MAP2K6: variants seen among roughly 807,000 people sequenced by gnomAD.
The protein encoded by MAP2K6 is mitogen-activated protein kinase kinase 6.
Under a neutral mutation model 53.7 loss-of-function variants are expected in MAP2K6, and 16 were observed. The ratio of observed to expected loss-of-function variants is 0.30; its 90% confidence interval spans 0.20 to 0.45. The LOEUF (loss-of-function observed/expected upper bound fraction) is 0.45, where lower values mean the gene tolerates loss of function less well. Among genes scored for constraint, MAP2K6 ranks in the 20% least tolerant of loss-of-function variants. MAP2K6 has a pLI of 1.00. For missense variants in MAP2K6, 204 were observed against 411.9 expected, an observed-to-expected ratio of 0.50 and a Z score of 4.37; for synonymous variants, 132 against 143.1, an observed-to-expected ratio of 0.92 and a Z score of 0.55.
intron 1 of MAP2K6, among the ~76,000 whole-genome samples, chr17:69,430,188 T>C (rs1470343268): frequency 6.6e-6 from 1 of 151,762 alleles, no homozygotes; most frequent in African/African-American, 2.4e-5. Context: ...AAAAGTAAAT[T>C]AGCCAGGCGT....
intron 1 of MAP2K6, among the ~76,000 whole-genome samples, chr17:69,428,651 A>C (rs1193429897): frequency 1.3e-5 from 2 of 152,174 alleles, no homozygotes; most frequent in African/African-American, 4.8e-5. Context: ...AATGCACGTA[A>C]GTTCTGGTAT....
At position 69,541,817 on chromosome 17, in the gene MAP2K6, C is replaced by A; in HGVS notation, c.*64C>A. On this transcript the variant is annotated 3_prime_UTR_variant, in exon 12 of 12. Coordinates refer to ENST00000590474, the MANE Select transcript of MAP2K6 (RefSeq NM_002758.4). The stretch of plus-strand genomic sequence containing the variant: ...GGTGGGTTTCGGGGTGAAGCAAGTT[C>A]ACTACAGCATCAATAGAAAGTCATC... The A allele has an allele frequency of 1.7e-6, 2 of 1,168,072 alleles. No individual in the cohort carries two copies. Among genetic ancestry groups the A allele is most frequent in the Non-Finnish European group, 2.6e-6 (2 of 783,572 alleles). 72.4% of individuals were successfully genotyped at this position (1,168,072 alleles called of 1,614,324 possible).
intron 1 of MAP2K6, among the ~76,000 whole-genome samples, chr17:69,496,130 G>A (rs1291683643): frequency 6.6e-6 from 1 of 151,372 alleles, no homozygotes; most frequent in Non-Finnish European, 1.5e-5. Context: ...AAACCCATTT[G>A]AGCACTTTTA....
At position 69,495,932 on chromosome 17, in the gene MAP2K6, A is replaced by G. The variant is rs560974808; in HGVS notation, c.17-9848A>G. Among the ~76,000 whole-genome samples, 149 of 152,234 alleles carry G rather than the reference A, an allele frequency of 9.8e-4. 3 individuals are homozygous for G. The Middle Eastern group carries it at 0.014, about 14-fold the overall frequency. The stretch of plus-strand genomic sequence containing the variant: ...TAAATGAGGAAGGAGATGAACCGAG[A>G]CAGTAGGAGTTCCCTACTGCCTGCC... On this transcript the variant is annotated intron_variant, in intron 1 of 11. Coordinates refer to ENST00000590474, the MANE Select transcript of MAP2K6 (RefSeq NM_002758.4).
At chr17:69,479,327 A>G (rs1908268696) in intron 1 of MAP2K6, among the ~76,000 whole-genome samples, 1 of 152,178 alleles carries the variant, frequency 6.6e-6, no homozygotes, top group African/African-American at 2.4e-5. Context: ...GAGCACCAAC[A>G]TCATGCCACA....
At chr17:69,531,021 A>G (rs1040044191) in intron 10 of MAP2K6, among the ~76,000 whole-genome samples, 2 of 151,810 alleles carry the variant, frequency 1.3e-5, no homozygotes, top group African/African-American at 2.4e-5. Context: ...TCATGAATAA[A>G]GCTGTGTTAT....
chr17:69,424,728 G>A (rs1366439190), intron 1 of MAP2K6, among the ~76,000 whole-genome samples: 1 of 152,152 alleles, frequency 6.6e-6, no homozygotes, highest in African/African-American at 2.4e-5. Flanking sequence ...GGCCAAGTAT[G>A]GTAATTAAGA....
intron 1 of MAP2K6, among the ~76,000 whole-genome samples, chr17:69,465,767 G>T (rs982120542): frequency 6.6e-6 from 1 of 151,530 alleles, no homozygotes; most frequent in Non-Finnish European, 1.5e-5. Flanking sequence ...TTATAGACGT[G>T]TGCCACCATG....
chr17:69,500,420 C>T (rs1344748301), intron 1 of MAP2K6, among the ~76,000 whole-genome samples: 3 of 130,834 alleles, frequency 2.3e-5, no homozygotes, highest in African/African-American at 5.9e-5. Context: ...TGCACTCCAG[C>T]CTGGGTGACA....
At position 69,526,641 on chromosome 17, in the gene MAP2K6, A is replaced by G. The variant is rs764719423; in HGVS notation, c.813A>G (p.Val271=). 6.2e-7 allele frequency: 1 copy of G among 1,614,114 alleles called. No individual in the cohort carries two copies. The highest frequency in any genetic ancestry group is 1.7e-5 in the Admixed American group (1 of 60,022). ...GTPFQQLKQV[V]EEPSPQLPAD... Reference sequence around the variant, plus strand: ...CATTTCAGCAGCTCAAACAGGTGGTAGAGGAGCCATCGCCACAACTCCCAG... The same window carrying G: ...CATTTCAGCAGCTCAAACAGGTGGTGGAGGAGCCATCGCCACAACTCCCAG... The change falls in exon 10 of 12, where the codon GTA becomes GTG. Residue 271 remains valine (V), a synonymous_variant. Transcript: ENST00000590474.
Position 69,519,339 on chromosome 17 carries a change from G to A in MAP2K6, c.273G>A (p.Gln91=). The A allele has an allele frequency of 6.2e-7, 1 of 1,613,912 alleles. No individual in the cohort carries two copies. The highest frequency in any genetic ancestry group is 8.5e-7 in the Non-Finnish European group (1 of 1,179,900). ...GGATCCGAGCCACAGTAAATAGCCA[G>A]GAACAGAAACGGCTACTGATGGATT... ...VKRIRATVNS[Q]EQKRLLMDLD... is the part of the protein sequence containing the mutation. Residue 91 remains glutamine (Q), a synonymous_variant, in exon 5 of 12, where the codon CAG becomes CAA. Coordinates refer to ENST00000590474, the MANE Select transcript of MAP2K6 (RefSeq NM_002758.4).
At chr17:69,457,322 C>T (rs1448127505) in intron 1 of MAP2K6, among the ~76,000 whole-genome samples, 1 of 152,222 alleles carries the variant, frequency 6.6e-6, no homozygotes, top group South Asian at 2.1e-4. Flanking sequence ...CCTGTGGACA[C>T]GTTTATCCCC....
rs1027333588 is a variant in MAP2K6, at chr17:69,549,072, T to C, written c.*7319T>C. On this transcript the variant is annotated 3_prime_UTR_variant, in exon 12 of 12. Transcript: ENST00000590474. ...TACTCAGCCTAATTCCTTGGGACTT[T>C]CAGTATCTTGACATCACTTGTATTA... The C allele has an allele frequency of 4.6e-5, 7 of 152,228 alleles. No individual in the cohort carries two copies. The highest frequency in any genetic ancestry group is 6.5e-5 in the Admixed American group (1 of 15,284). The allele number at this position is 152,228 out of a possible 1,614,324, so 9.4% of individuals were successfully genotyped here.
intron 1 of MAP2K6, among the ~76,000 whole-genome samples, chr17:69,495,704 C>T (rs750126571): frequency 5.9e-5 from 9 of 151,528 alleles, no homozygotes; most frequent in Non-Finnish European, 8.8e-5. Context: ...TATCATTTCA[C>T]TCGTAAACAT....
intron 9 of MAP2K6, among the ~76,000 whole-genome samples, chr17:69,525,983 T>A (rs1293353539): frequency 6.6e-6 from 1 of 152,212 alleles, no homozygotes; most frequent in African/African-American, 2.4e-5. Context: ...CACCAAGGTC[T>A]GGAATTATCC....
At chr17:69,490,566 G>C (rs979101312) in intron 1 of MAP2K6, among the ~76,000 whole-genome samples, 2 of 152,130 alleles carry the variant, frequency 1.3e-5, no homozygotes, top group Non-Finnish European at 2.9e-5. Context: ...GGGTGTGGCA[G>C]GAAGGATGCT....
intron 1 of MAP2K6, among the ~76,000 whole-genome samples, chr17:69,428,357 C>T (rs533456606): frequency 6.6e-6 from 1 of 152,342 alleles, no homozygotes; most frequent in East Asian, 1.9e-4. Flanking sequence ...TGCATTTCTT[C>T]CCCTGTATAC....
intron 1 of MAP2K6, among the ~76,000 whole-genome samples, chr17:69,432,104 G>T (rs1222733698): frequency 6.6e-6 from 1 of 152,196 alleles, no homozygotes; most frequent in Non-Finnish European, 1.5e-5. Context: ...CAGACTGAAA[G>T]GAAATGCATT....
intron 1 of MAP2K6, among the ~76,000 whole-genome samples, chr17:69,467,552 A>G (rs571318885): frequency 2.0e-5 from 3 of 152,144 alleles, no homozygotes; most frequent in East Asian, 3.9e-4. Context: ...CTCTGGACTG[A>G]GTCTTTTTCC....
Sources: gnomAD v4.1 joint callset for allele counts (sites outside exome capture counted in the v4.1 genomes callset) on GRCh38, gnomAD v4.1.1 for gene constraint, MANE v1.5 for transcripts, NCBI Gene and HGNC (gene_info 2026-07-23, HGNC 2026-07-21) for gene names.